The following OXR1 variants were observed in gnomAD, a reference collection of about 807,000 sequenced individuals.
OXR1 encodes the protein oxidation resistance protein 1.
A neutral mutation model predicts 104.6 loss-of-function variants in OXR1; 41 were observed. That is an observed-to-expected ratio of 0.39 (90% CI 0.31 to 0.51). The LOEUF (loss-of-function observed/expected upper bound fraction) is 0.51. OXR1 is among the 20% of genes least tolerant of loss of function. The pLI is 0.77. For missense variants in OXR1, 955 were observed against 1,031.9 expected, an observed-to-expected ratio of 0.93 and a Z score of 1.02; for synonymous variants, 348 against 348.4, an observed-to-expected ratio of 1.00 and a Z score of 0.01.
At chr8:106,675,751 G>A (rs997944286) in intron 3 of OXR1, among the ~76,000 whole-genome samples, 1 of 151,878 alleles carries the variant, frequency 6.6e-6, no homozygotes, top group Non-Finnish European at 1.5e-5. Flanking sequence ...TGTGCCATGT[G>A]ACAATGTATA....
At chr8:106,585,399 G>A (rs1818554063) in intron 3 of OXR1, among the ~76,000 whole-genome samples, 1 of 152,038 alleles carries the variant, frequency 6.6e-6, no homozygotes, top group African/African-American at 2.4e-5. Context: ...GGCAACTTTA[G>A]TCTAAACCAA....
chr8:106,276,754 A>C (rs908761664), intron 1 of OXR1, among the ~76,000 whole-genome samples: 3 of 95,866 alleles, frequency 3.1e-5, no homozygotes, highest in African/African-American at 1.1e-4. Context: ...TGTTAGAGGC[A>C]AAAAAAAAAA....
At chr8:106,543,668 A>G (rs1033076517) in intron 3 of OXR1, among the ~76,000 whole-genome samples, 15 of 152,202 alleles carry the variant, frequency 9.9e-5, no homozygotes, top group Non-Finnish European at 7.3e-5. Context: ...AAGCTATGGA[A>G]AGGGCTGAGG....
intron 3 of OXR1, among the ~76,000 whole-genome samples, chr8:106,671,210 G>C (rs550188422): frequency 2.0e-5 from 3 of 149,550 alleles, no homozygotes; most frequent in Non-Finnish European, 4.4e-5. Flanking sequence ...CATTAAGATG[G>C]ACATTGATTT....
intron 3 of OXR1, among the ~76,000 whole-genome samples, chr8:106,625,169 A>C (rs1822049442): frequency 1.3e-5 from 2 of 151,722 alleles, no homozygotes; most frequent in African/African-American, 2.4e-5. Context: ...AAAAAGGTCA[A>C]CTCCCCTTCC....
At chr8:106,296,620 T>C (rs1813006169) in intron 1 of OXR1, among the ~76,000 whole-genome samples, 1 of 152,206 alleles carries the variant, frequency 6.6e-6, no homozygotes, top group Non-Finnish European at 1.5e-5. Context: ...TATGATTGAC[T>C]GAACTCTAGT....
At chr8:106,742,141 A>T in intron 14 of OXR1, 81 bp from the exon 15 acceptor site, 18 of 827,644 alleles carry the variant, frequency 2.2e-5, no homozygotes, top group Admixed American at 1.1e-4. Context: ...TTTGCATTTT[A>T]TTTAAACATA....
intron 3 of OXR1, among the ~76,000 whole-genome samples, chr8:106,560,569 G>T (rs1350161892): frequency 1.3e-5 from 2 of 152,278 alleles, no homozygotes; most frequent in East Asian, 1.9e-4. Context: ...CTGAGCAGGG[G>T]TGCTGACCTG....
chr8:106,658,194 A>T (rs1825344470), intron 3 of OXR1: 4 of 1,237,974 alleles, frequency 3.2e-6, no homozygotes, highest in Non-Finnish European at 4.0e-6. Flanking sequence ...TGGTGAGCCC[A>T]CCTTTCTTTC....
Position 106,713,951 on chromosome 8 carries a change from A to T in OXR1, c.1922A>T (p.Asp641Val). 6.3e-7 allele frequency: 1 copy of T among 1,585,292 alleles called. No homozygotes were observed. The highest frequency in any genetic ancestry group is 8.5e-7 in the Non-Finnish European group (1 of 1,171,654). Reference protein sequence around the residue: ...KKIEESETIEDSSNQAAAREW... With the variant: ...KKIEESETIEVSSNQAAAREW... ...ATTGAGGAGTCTGAAACAATTGAGGATTCTAGTAATCAAGCAGCAGCCAGA... is the reference window on the plus strand; with the variant it reads ...ATTGAGGAGTCTGAAACAATTGAGGTTTCTAGTAATCAAGCAGCAGCCAGA... Residue 641 changes from aspartate to valine, a missense_variant, in exon 11 of 17, where the codon GAT becomes GTT. Physicochemically the swap from Asp to Val is radical, Grantham distance 152 (BLOSUM62 -3). This residue lies in a region of OXR1 where 849 missense variants were observed against 852.9 expected (regional missense o/e 1.00). Transcript: ENST00000517566.
At chr8:106,385,577 A>G (rs1402890391) in intron 2 of OXR1, among the ~76,000 whole-genome samples, 1 of 152,194 alleles carries the variant, frequency 6.6e-6, no homozygotes, top group African/African-American at 2.4e-5. Flanking sequence ...GGAGTTAACA[A>G]TGACAAATAT....
At chr8:106,303,051 C>T (rs1813318009) in intron 1 of OXR1, among the ~76,000 whole-genome samples, 1 of 151,708 alleles carries the variant, frequency 6.6e-6, no homozygotes, top group Non-Finnish European at 1.5e-5. Context: ...GCGCACCTGG[C>T]CGCAAACCTG....
intron 3 of OXR1, among the ~76,000 whole-genome samples, chr8:106,579,739 A>C (rs1207029338): frequency 6.6e-6 from 1 of 151,420 alleles, no homozygotes; most frequent in Non-Finnish European, 1.5e-5. Flanking sequence ...TTCTGGTCCC[A>C]CTTTTTTTTT....
intron 7 of OXR1, 135 bp downstream of exon 7, chr8:106,693,012 A>G (rs1002338448): frequency 3.7e-6 from 2 of 542,228 alleles, no homozygotes; most frequent in Non-Finnish European, 6.1e-6. Flanking sequence ...TAGTGATACT[A>G]TTATTTTGGG....
chr8:106,356,850 A>G (rs1563734548), intron 1 of OXR1, among the ~76,000 whole-genome samples: 1 of 152,122 alleles, frequency 6.6e-6, no homozygotes, highest in Non-Finnish European at 1.5e-5. Flanking sequence ...AGTTGCAGTA[A>G]TGACCCTAGG....
intron 3 of OXR1, among the ~76,000 whole-genome samples, chr8:106,672,810 ATTCCTCCTGCCTTTATTC>A (rs1344797695): frequency 6.6e-6 from 1 of 152,024 alleles, no homozygotes; most frequent in Non-Finnish European, 1.5e-5. Flanking sequence ...GTGTTTGATA[ATTCCTCCTGCCTTTATTC>A]TCCCTCCTGC....
At chr8:106,617,675 C>A (rs1821356556) in intron 3 of OXR1, among the ~76,000 whole-genome samples, 2 of 152,164 alleles carry the variant, frequency 1.3e-5, no homozygotes, top group African/African-American at 2.4e-5. Context: ...ATTTACATAT[C>A]TATAAAGGTA....
intron 3 of OXR1, chr8:106,618,229 A>G (rs1462903594): frequency 7.0e-7 from 1 of 1,432,252 alleles, no homozygotes; most frequent in South Asian, 1.2e-5. Flanking sequence ...GTTATTTTGG[A>G]AAGTCAGATA....
At chr8:106,541,932 T>C (rs184278080) in intron 3 of OXR1, among the ~76,000 whole-genome samples, 34 of 152,344 alleles carry the variant, frequency 2.2e-4, no homozygotes, top group African/African-American at 7.0e-4. Flanking sequence ...TCATTTTGTT[T>C]AATCTCAAGT....
Sources: allele counts gnomAD v4.1 joint callset (sites outside exome capture counted in the v4.1 genomes callset), GRCh38; gene constraint gnomAD v4.1.1; regional missense constraint gnomAD v4.1.1; transcripts MANE v1.5; gene names NCBI Gene and HGNC (gene_info 2026-07-23, HGNC 2026-07-21).